The following GRM5 variants were observed in gnomAD, a reference collection of about 807,000 sequenced individuals.
GRM5 encodes the protein glutamate metabotropic receptor 5, also known as metabotropic glutamate receptor 5.
A neutral mutation model predicts 83.1 loss-of-function variants in GRM5; 19 were observed. That is an observed-to-expected ratio of 0.23 (90% CI 0.16 to 0.34). The LOEUF (loss-of-function observed/expected upper bound fraction) is 0.34. Among genes scored for constraint, GRM5 ranks in the 10% least tolerant of loss-of-function variants. The pLI is 1.00. For missense variants in GRM5, 1,160 were observed against 1,588.3 expected (o/e 0.73, Z 4.58); for synonymous variants, 675 against 633.6 (o/e 1.07, Z -0.98).
At chr11:88,782,047 T>C (rs953432859) in intron 3 of GRM5, among the ~76,000 whole-genome samples, 1 of 152,110 alleles carries the variant, frequency 6.6e-6, no homozygotes, top group Non-Finnish European at 1.5e-5. Flanking sequence ...TTATTATAAT[T>C]TGGATTCTCT....
At chr11:88,554,058 T>C (rs1216948142) in intron 8 of GRM5, among the ~76,000 whole-genome samples, 1 of 152,154 alleles carries the variant, frequency 6.6e-6, no homozygotes, top group Non-Finnish European at 1.5e-5. Context: ...GCAAAAGAAA[T>C]TTAATATCTT....
At chr11:88,809,665 T>C (rs1448936918) in intron 3 of GRM5, among the ~76,000 whole-genome samples, 2 of 151,898 alleles carry the variant, frequency 1.3e-5, no homozygotes, top group African/African-American at 2.4e-5. Flanking sequence ...AAATAATATA[T>C]GTACTTTGAA....
At chr11:88,576,606 A>G (rs1943116023) in intron 7 of GRM5, among the ~76,000 whole-genome samples, 1 of 152,170 alleles carries the variant, frequency 6.6e-6, no homozygotes, top group Admixed American at 6.5e-5. Flanking sequence ...TCATATATAA[A>G]ATGAAAATAA....
chr11:88,860,997 T>A (rs1219822630), intron 2 of GRM5, among the ~76,000 whole-genome samples: 1 of 152,176 alleles, frequency 6.6e-6, no homozygotes, highest in African/African-American at 2.4e-5. Context: ...AATATCCCAT[T>A]AATATGTGGA....
chr11:88,967,845 AC>A (rs1209706347), intron 2 of GRM5, among the ~76,000 whole-genome samples: 1 of 152,104 alleles, frequency 6.6e-6, no homozygotes, highest in Non-Finnish European at 1.5e-5. Flanking sequence ...TGGAAGATGC[AC>A]CCAAGACAGA....
intron 2 of GRM5, among the ~76,000 whole-genome samples, chr11:88,891,153 G>C (rs541351022): frequency 3.3e-5 from 5 of 152,038 alleles, no homozygotes; most frequent in Middle Eastern, 3.4e-3. Flanking sequence ...TGGTCAAATT[G>C]GTTAAGATTA....
At chr11:88,956,878 G>A (rs1346331440) in intron 2 of GRM5, among the ~76,000 whole-genome samples, 1 of 152,120 alleles carries the variant, frequency 6.6e-6, no homozygotes, top group East Asian at 1.9e-4. Flanking sequence ...ACTAATCTGA[G>A]CCTATTTCTT....
At chr11:88,971,731 CATAA>C (rs1484946670) in intron 2 of GRM5, among the ~76,000 whole-genome samples, 1 of 152,050 alleles carries the variant, frequency 6.6e-6, no homozygotes, top group African/African-American at 2.4e-5. Context: ...GTGAATAGTG[CATAA>C]ATAGATTTTT....
chr11:88,636,596 T>C (rs1295786379), intron 4 of GRM5, among the ~76,000 whole-genome samples: 2 of 152,202 alleles, frequency 1.3e-5, no homozygotes, highest in Non-Finnish European at 2.9e-5. Flanking sequence ...ATAGGTTTTC[T>C]CATTAAAAAA....
intron 2 of GRM5, among the ~76,000 whole-genome samples, chr11:88,892,594 A>T (rs1188324115): frequency 6.6e-6 from 1 of 152,098 alleles, no homozygotes; most frequent in Non-Finnish European, 1.5e-5. Flanking sequence ...TACAAAGAAC[A>T]CAGTCCTATC....
In GRM5 at chr11:88,913,150, A is replaced by C. The variant is rs879242369; in HGVS notation, c.662-62995T>G. 2.6e-5 allele frequency among the ~76,000 whole-genome samples: 4 copies of C among 152,158 alleles called. No individual in the cohort carries two copies. The East Asian group carries it at 7.7e-4, about 29-fold the overall frequency. ...TATCTGTTCATGATCATTGGTATTA[A>C]ATAGGTTTGTTTGTCAATGACCATG... On this transcript the variant is annotated intron_variant, in intron 2 of 9. Coordinates refer to ENST00000305447, the MANE Select transcript of GRM5 (RefSeq NM_001143831.3).
At chr11:88,674,926 T>A (rs1213385804) in intron 3 of GRM5, among the ~76,000 whole-genome samples, 5 of 152,002 alleles carry the variant, frequency 3.3e-5, no homozygotes, top group Non-Finnish European at 7.4e-5. Flanking sequence ...TAAGATCCTT[T>A]ATCCTGTAAT....
chr11:88,601,683 C>G (rs763670052), intron 5 of GRM5, among the ~76,000 whole-genome samples: 2 of 152,124 alleles, frequency 1.3e-5, no homozygotes, highest in Non-Finnish European at 2.9e-5. Context: ...GTTAGTTGTA[C>G]TCAGTCTAAC....
At chr11:88,843,270 CTTATA>C (rs749894182) in intron 3 of GRM5, among the ~76,000 whole-genome samples, 5 of 151,956 alleles carry the variant, frequency 3.3e-5, no homozygotes, top group Non-Finnish European at 7.3e-5. Flanking sequence ...ATCTTTTTCG[CTTATA>C]TTATTATTTC....
intron 2 of GRM5, among the ~76,000 whole-genome samples, chr11:88,877,234 G>A (rs1944869982): frequency 6.6e-6 from 1 of 151,944 alleles, no homozygotes; most frequent in African/African-American, 2.4e-5. Context: ...AAGTATTTGA[G>A]GTGAATAATA....
chr11:88,691,735 T>A, intron 3 of GRM5, among the ~76,000 whole-genome samples: 1 of 152,032 alleles, frequency 6.6e-6, no homozygotes, highest in South Asian at 2.1e-4. Context: ...TTTCTATGAC[T>A]TACACGCCCC....
At chr11:88,924,003 C>T (rs1225458674) in intron 2 of GRM5, among the ~76,000 whole-genome samples, 5 of 151,140 alleles carry the variant, frequency 3.3e-5, no homozygotes, top group Admixed American at 6.6e-5. Flanking sequence ...TCTGAATAGA[C>T]GTTTTTCTAA....
At chr11:88,621,172 A>G (rs1332279163) in intron 4 of GRM5, among the ~76,000 whole-genome samples, 2 of 152,178 alleles carry the variant, frequency 1.3e-5, no homozygotes, top group Non-Finnish European at 2.9e-5. Context: ...TGTGGCAAAA[A>G]CCATAGCATT....
chr11:88,986,636 T>C (rs1323656240), intron 2 of GRM5, among the ~76,000 whole-genome samples: 2 of 151,872 alleles, frequency 1.3e-5, no homozygotes, highest in African/African-American at 4.8e-5. Context: ...AATATCCTCT[T>C]CCAAGCCATA....
Sources: allele counts gnomAD v4.1 joint callset (sites outside exome capture counted in the v4.1 genomes callset), GRCh38; gene constraint gnomAD v4.1.1; transcripts MANE v1.5; gene names NCBI Gene and HGNC (gene_info 2026-07-23, HGNC 2026-07-21).